The following CNTN4 variants were observed in gnomAD, a reference collection of about 807,000 sequenced individuals.
CNTN4 encodes contactin 4, also known as contactin-4.
A neutral mutation model predicts 122.5 loss-of-function variants in CNTN4; 77 were observed. The ratio of observed to expected loss-of-function variants is 0.63; its 90% CI spans 0.52 to 0.76. The LOEUF is 0.76. Ranked by LOEUF, CNTN4 falls within the 30% of genes least tolerant of loss-of-function variation. CNTN4 has a pLI of 0.00. For missense variants in CNTN4, 1,256 were observed against 1,259.1 expected, an observed-to-expected ratio of 1.00 and a Z score of 0.04; for synonymous variants, 512 against 447.0, an observed-to-expected ratio of 1.15 and a Z score of -1.83.
intron 3 of CNTN4, among the ~76,000 whole-genome samples, chr3:2,503,058 T>TA (rs2076638185): frequency 6.6e-6 from 1 of 152,148 alleles, no homozygotes; most frequent in African/African-American, 2.4e-5. Flanking sequence ...TGAGACATGA[T>TA]ATCTGCCATC....
At chr3:2,215,228 A>G (rs2038787869) in intron 2 of CNTN4, among the ~76,000 whole-genome samples, 1 of 152,206 alleles carries the variant, frequency 6.6e-6, no homozygotes. Context: ...GTGTTAACAT[A>G]TATTTAAATG....
At chr3:2,159,440 C>T (rs1288886910) in intron 2 of CNTN4, among the ~76,000 whole-genome samples, 1 of 152,086 alleles carries the variant, frequency 6.6e-6, no homozygotes, top group Non-Finnish European at 1.5e-5. Flanking sequence ...AAAGGTGACA[C>T]AAAAGCCAGT....
intron 2 of CNTN4, among the ~76,000 whole-genome samples, chr3:2,236,044 G>C (rs1411265778): frequency 1.3e-5 from 2 of 152,150 alleles, no homozygotes; most frequent in African/African-American, 4.8e-5. Flanking sequence ...GGTTGGTCAA[G>C]TTGAGTTTTG....
At chr3:2,794,877 G>A (rs913537002) in intron 6 of CNTN4, among the ~76,000 whole-genome samples, 1 of 152,186 alleles carries the variant, frequency 6.6e-6, no homozygotes, top group Non-Finnish European at 1.5e-5. Context: ...GAAGGGGCAA[G>A]GGAGCTCTGT....
intron 13 of CNTN4, among the ~76,000 whole-genome samples, chr3:2,943,436 A>G (rs2094636610): frequency 6.6e-6 from 1 of 152,070 alleles, no homozygotes; most frequent in South Asian, 2.1e-4. Flanking sequence ...AAGAGAGCAC[A>G]GTCAAGTGAG....
intron 14 of CNTN4, among the ~76,000 whole-genome samples, chr3:2,989,692 A>G (rs1694890721): frequency 6.6e-6 from 1 of 152,234 alleles, no homozygotes; most frequent in African/African-American, 2.4e-5. Context: ...TTACTTCCTC[A>G]GAGCACTAGC....
intron 13 of CNTN4, among the ~76,000 whole-genome samples, chr3:2,946,521 A>G (rs115728202): frequency 0.016 from 2,413 of 152,202 alleles, 59 homozygotes; most frequent in African/African-American, 0.047. Context: ...TCCAAAAATC[A>G]TCCAACCAAG....
At chr3:2,100,188 G>A (rs1203116778) in intron 1 of CNTN4, among the ~76,000 whole-genome samples, 2 of 152,216 alleles carry the variant, frequency 1.3e-5, no homozygotes, top group Non-Finnish European at 2.9e-5. Context: ...TTATTTGTAA[G>A]AGGAGTTCCT....
intron 3 of CNTN4, among the ~76,000 whole-genome samples, chr3:2,411,426 A>G (rs2047223471): frequency 6.6e-6 from 1 of 152,214 alleles, no homozygotes; most frequent in Non-Finnish European, 1.5e-5. Context: ...CCATAAAGCT[A>G]CCTGAAATCT....
chr3:2,308,937 A>G (rs1194413639), intron 2 of CNTN4, among the ~76,000 whole-genome samples: 1 of 152,086 alleles, frequency 6.6e-6, no homozygotes, highest in Non-Finnish European at 1.5e-5. Context: ...TGTGTATTCT[A>G]CTGTTTGGAG....
At chr3:2,696,140 G>A (rs1026377432) in intron 4 of CNTN4, among the ~76,000 whole-genome samples, 5 of 152,118 alleles carry the variant, frequency 3.3e-5, no homozygotes, top group Non-Finnish European at 5.9e-5. Context: ...TTGGCTCTAC[G>A]GCCAAGGACT....
intron 13 of CNTN4, among the ~76,000 whole-genome samples, chr3:2,976,181 G>A (rs1283826628): frequency 2.6e-5 from 4 of 152,110 alleles, no homozygotes; most frequent in Admixed American, 6.5e-5. Context: ...ACTGTGTCAC[G>A]AAGAACAATT....
At chr3:2,945,869 A>G (rs565077356) in intron 13 of CNTN4, among the ~76,000 whole-genome samples, 74 of 152,320 alleles carry the variant, frequency 4.9e-4, no homozygotes, top group African/African-American at 1.7e-3. Context: ...CATTATATAT[A>G]CATCACAATA....
In CNTN4 at chr3:2,925,092, C is replaced by T. The variant is rs185037023; in HGVS notation, c.1208-537C>T. On this transcript the variant is annotated intron_variant, in intron 12 of 24. Transcript: ENST00000418658. ...TGAGAATATTCTGTGTCTTGATCTT[C>T]ATGGTGGTGTATACCAAATTCACCA... 3.5e-3 allele frequency among the ~76,000 whole-genome samples: 537 copies of T among 152,280 alleles called. 6 individuals are homozygous for T. The highest frequency in any genetic ancestry group is 0.012 in the African/African-American group (507 of 41,548).
chr3:2,917,246 CA>C (rs1242183821), intron 12 of CNTN4, among the ~76,000 whole-genome samples: 2 of 151,764 alleles, frequency 1.3e-5, no homozygotes, highest in Admixed American at 6.6e-5. Context: ...GCCGAGATGG[CA>C]GCAGCACAGT....
intron 3 of CNTN4, among the ~76,000 whole-genome samples, chr3:2,456,800 T>C (rs957449560): frequency 3.3e-5 from 5 of 152,164 alleles, no homozygotes; most frequent in Non-Finnish European, 7.4e-5. Flanking sequence ...TTCCACCTTT[T>C]GGCTATTGTG....
intron 7 of CNTN4, among the ~76,000 whole-genome samples, chr3:2,832,185 A>G (rs1356240): frequency 0.48 from 73,422 of 152,126 alleles, 20,217 homozygotes; most frequent in East Asian, 0.82. Context: ...TTATGATTGG[A>G]TTCTAATGGA....
chr3:2,924,773 G>C (rs2094457784), intron 12 of CNTN4, among the ~76,000 whole-genome samples: 1 of 152,098 alleles, frequency 6.6e-6, no homozygotes, highest in Non-Finnish European at 1.5e-5. Flanking sequence ...CATTGCATTG[G>C]GCACTTGCAG....
At chr3:3,024,454 C>G (rs944221455) in intron 14 of CNTN4, among the ~76,000 whole-genome samples, 2 of 147,400 alleles carry the variant, frequency 1.4e-5, no homozygotes. Flanking sequence ...ATCAATATAG[C>G]GGATTTTTAT....
Sources: allele counts gnomAD v4.1 joint callset (sites outside exome capture counted in the v4.1 genomes callset), GRCh38; gene constraint gnomAD v4.1.1; transcripts MANE v1.5; gene names NCBI Gene and HGNC (gene_info 2026-07-23, HGNC 2026-07-21).